Variants in SVEP1 observed in about 807,000 individuals in gnomAD.
The protein encoded by SVEP1 is sushi, von Willebrand factor type A, EGF and pentraxin domain containing 1, also known as sushi, von Willebrand factor type A, EGF and pentraxin domain-containing protein 1.
Under a neutral mutation model 367.3 loss-of-function variants are expected in SVEP1, and 164 were observed. The ratio of observed to expected loss-of-function variants is 0.45; its 90% CI spans 0.39 to 0.51. The LOEUF (loss-of-function observed/expected upper bound fraction) is 0.51, where lower values mean the gene tolerates loss of function less well. Among genes scored for constraint, SVEP1 ranks in the 20% least tolerant of loss-of-function variants. The pLI, the probability that SVEP1 is intolerant of heterozygous loss-of-function variation, is 0.00. For missense variants in SVEP1, 4,117 were observed against 4,425.3 expected, an observed-to-expected ratio of 0.93 and a Z score of 1.98; for synonymous variants, 1,666 against 1,611.6, an observed-to-expected ratio of 1.03 and a Z score of -0.81.
Position 110,407,846 on chromosome 9 carries a change from C to G in SVEP1, c.7754G>C (p.Gly2585Ala), listed in dbSNP as rs762402211. 6.2e-7 allele frequency: 1 copy of G among 1,613,962 alleles called. No individual in the cohort carries two copies. Residue 2585 changes from glycine (G) to alanine (A), a missense_variant, in exon 38 of 48, where the codon GGG (glycine) becomes GCG (alanine). Gly to Ala is a moderately conservative substitution (Grantham distance 60, BLOSUM62 0). This residue lies in a region of SVEP1 where 1,765 missense variants were observed against 1,781.1 expected (regional missense o/e 0.99). Coordinates refer to ENST00000374469, the MANE Select transcript of SVEP1 (RefSeq NM_153366.4). Reference sequence around the variant, plus strand: ...CATGGCATGACCAGCCACCTGAAACCCAGGGAAGCAACTGTAGATGATTAT... The same window carrying G: ...CATGGCATGACCAGCCACCTGAAACGCAGGGAAGCAACTGTAGATGATTAT... ...GAIIIYSCFP[G>A]FQVAGHAMQT...
chr9:110,370,336 A>G (rs561674634), intron 46 of SVEP1, among the ~76,000 whole-genome samples: 58 of 152,212 alleles, frequency 3.8e-4, no homozygotes, highest in African/African-American at 1.4e-3. Flanking sequence ...TATGCAACCA[A>G]TCTGACACTT....
At chr9:110,394,171 T>C (rs6477764) in intron 40 of SVEP1, among the ~76,000 whole-genome samples, 129,222 of 151,582 alleles carry the variant, frequency 0.85, 55,432 homozygotes, top group African/African-American at 0.94. Context: ...TCCAGAGGAA[T>C]GATCAGGCAG....
At chr9:110,370,736 G>A (rs561662803) in intron 46 of SVEP1, among the ~76,000 whole-genome samples, 1 of 152,140 alleles carries the variant, frequency 6.6e-6, no homozygotes, top group African/African-American at 2.4e-5. Flanking sequence ...TAAAAAACCT[G>A]AAGATGCTGG....
At position 110,443,684 on chromosome 9, in the gene SVEP1, T is replaced by G; in HGVS notation, c.4500A>C (p.Thr1500=). ...VLYVNGREKI[T]NCPSVNDGRW... Reference sequence around the variant, plus strand: ...TGCCATCATTCACCGAGGGACAGTTTGTTATCTTTTCCCTGCCATTCACAT... The same window carrying G: ...TGCCATCATTCACCGAGGGACAGTTGGTTATCTTTTCCCTGCCATTCACAT... Residue 1500 remains threonine, a synonymous_variant, in exon 27 of 48, where the codon ACA becomes ACC. Transcript: ENST00000374469. 2 of 1,610,346 alleles carry G rather than the reference T, an allele frequency of 1.2e-6. No homozygotes were observed. The highest frequency in any genetic ancestry group is 1.7e-6 in the Non-Finnish European group (2 of 1,178,300).
intron 21 of SVEP1, 39 bp from the exon 22 acceptor site, chr9:110,455,742 T>C: frequency 6.6e-7 from 1 of 1,522,580 alleles, no homozygotes; most frequent in African/African-American, 1.4e-5. Flanking sequence ...AATCCAAGGA[T>C]GGGATTAACC....
chr9:110,458,384 T>C (rs1828808812), intron 20 of SVEP1, 87 bp downstream of exon 20: 1 of 1,124,836 alleles, frequency 8.9e-7, no homozygotes, highest in Non-Finnish European at 1.3e-6. Context: ...GTTTCAATCC[T>C]GGTCCTTTTC....
intron 40 of SVEP1, among the ~76,000 whole-genome samples, chr9:110,397,492 A>C (rs965918078): frequency 6.6e-5 from 10 of 152,312 alleles, no homozygotes; most frequent in African/African-American, 2.2e-4. Context: ...AGTTCTGGCC[A>C]GGGCAATCAG....
chr9:110,550,561 A>C (rs1299551694), intron 1 of SVEP1, among the ~76,000 whole-genome samples: 1 of 152,124 alleles, frequency 6.6e-6, no homozygotes, highest in East Asian at 1.9e-4. Flanking sequence ...CTGCATGGTC[A>C]TACACCAAAA....
At chr9:110,443,848 T>A in intron 26 of SVEP1, 128 bp from the exon 27 acceptor site, 1 of 703,684 alleles carries the variant, frequency 1.4e-6, no homozygotes, top group Non-Finnish European at 2.1e-6. Flanking sequence ...AATCCATTAC[T>A]CTTTTTTTTT....
intron 12 of SVEP1, among the ~76,000 whole-genome samples, 199 bp downstream of exon 12, chr9:110,481,043 A>C (rs1057441408): frequency 2.0e-5 from 3 of 152,202 alleles, no homozygotes; most frequent in African/African-American, 7.2e-5. Flanking sequence ...CTTGTCCTAC[A>C]GCAATACAAT....
At chr9:110,371,554 G>C (rs1827276403) in intron 46 of SVEP1, among the ~76,000 whole-genome samples, 1 of 151,894 alleles carries the variant, frequency 6.6e-6, no homozygotes, top group African/African-American at 2.4e-5. Flanking sequence ...GTATGTTTCT[G>C]CTTATCACTC....
rs1440702772 is a variant in SVEP1 at position 110,432,528 on chromosome 9, A to G, written c.5167T>C (p.Leu1723=). The G allele has an allele frequency of 3.1e-6, 5 of 1,613,868 alleles. No individual in the cohort carries two copies. The highest frequency in any genetic ancestry group is 1.1e-5 in the South Asian group (1 of 91,082). ...TYQCNNGYYL[L]GDSRMFCTDN... ...GTACAGAACATCCTTGAGTCACCCA[A>G]TAGATAGTAGCCATTGTTGCACTGG... Residue 1723 remains leucine (L), a synonymous_variant, in exon 31 of 48, where the codon TTG becomes CTG. Coordinates refer to ENST00000374469, the MANE Select transcript of SVEP1 (RefSeq NM_153366.4).
chr9:110,373,869 G>T (rs1188643316), intron 46 of SVEP1, among the ~76,000 whole-genome samples: 1 of 152,160 alleles, frequency 6.6e-6, no homozygotes, highest in Non-Finnish European at 1.5e-5. Context: ...TGTATTTGAG[G>T]TCTGCAAGAG....
In SVEP1 at chr9:110,446,990, G is replaced by A. The variant is rs1458004207; in HGVS notation, c.4171C>T (p.Pro1391Ser). ...ACACAGGTGGCCTGATTTCTACATG[G>A]ATTAGACTGACATTCATTGATGTTC... ...ELNINECQSN[P>S]CRNQATCVDE... Residue 1391 changes from proline to serine, a missense_variant, in exon 25 of 48, where the codon CCA becomes TCA. Pro to Ser is a moderately conservative substitution (Grantham distance 74). Transcript: ENST00000374469. The A allele has an allele frequency of 3.9e-6, 6 of 1,545,668 alleles. No homozygotes were observed. The highest frequency in any genetic ancestry group is 5.2e-6 in the Non-Finnish European group (6 of 1,144,982).
rs1288236624 is a variant in SVEP1, at chr9:110,455,703, C to G, written c.3674G>C (p.Gly1225Ala). ...YVCLCPLGYT[G>A]LKCETDIDEC... ...ATCGATGTCTGTTTCACACTTTAAG[C>G]CTACAATGTAAACCAAATGCTGAGG... Residue 1225 changes from glycine to alanine, a missense_variant and splice_region_variant, in exon 22 of 48, where the codon GGC becomes GCC. Transcript: ENST00000374469. 1.2e-6 allele frequency: 2 copies of G among 1,607,936 alleles called. No homozygotes were observed. Among genetic ancestry groups the G allele is most frequent in the Non-Finnish European group, 8.5e-7 (1 of 1,177,148 alleles).
intron 1 of SVEP1, among the ~76,000 whole-genome samples, chr9:110,569,932 T>C (rs1192222921): frequency 6.6e-6 from 1 of 152,248 alleles, no homozygotes; most frequent in Non-Finnish European, 1.5e-5. Context: ...AGAAGATGAA[T>C]ACTTTAAAAA....
intron 8 of SVEP1, among the ~76,000 whole-genome samples, chr9:110,492,021 A>C (rs979131850): frequency 1.3e-5 from 2 of 152,178 alleles, no homozygotes; most frequent in Non-Finnish European, 2.9e-5. Context: ...AAAAAAAGAT[A>C]ATAATCAGCA....
At chr9:110,467,215 GAAT>G (rs1828951862) in intron 17 of SVEP1, among the ~76,000 whole-genome samples, 1 of 152,124 alleles carries the variant, frequency 6.6e-6, no homozygotes, top group Non-Finnish European at 1.5e-5. Context: ...CTCTTACTGA[GAAT>G]AATAGTGAAA....
chr9:110,461,206 T>C (rs1349132432), intron 18 of SVEP1, among the ~76,000 whole-genome samples: 3 of 152,166 alleles, frequency 2.0e-5, no homozygotes, highest in Non-Finnish European at 4.4e-5. Flanking sequence ...CTCCATGATG[T>C]TTTGTTGCAT....
Sources: gnomAD v4.1 joint callset for allele counts (sites outside exome capture counted in the v4.1 genomes callset) on GRCh38, gnomAD v4.1.1 for gene constraint, gnomAD v4.1.1 regional missense constraint, MANE v1.5 for transcripts, NCBI Gene and HGNC (gene_info 2026-07-23, HGNC 2026-07-21) for gene names.